Variants in DIPK1A observed in about 807,000 individuals in gnomAD.
DIPK1A encodes family with sequence similarity 69 member A.
In DIPK1A, 27 loss-of-function variants were observed where a neutral mutation model predicts 40.8. That is an observed-to-expected ratio of 0.66 (90% CI 0.49 to 0.91). The LOEUF (loss-of-function observed/expected upper bound fraction) is 0.91, where lower values mean the gene tolerates loss of function less well. Among genes scored for constraint, DIPK1A ranks in the 40% least tolerant of loss-of-function variants. DIPK1A has a pLI of 0.00. For missense variants in DIPK1A, 412 were observed against 505.7 expected (o/e 0.81, Z 1.78); for synonymous variants, 166 against 171.3 (o/e 0.97, Z 0.24).
intron 2 of DIPK1A, among the ~76,000 whole-genome samples, chr1:92,867,827 G>T (rs1386430835): frequency 6.6e-6 from 1 of 152,050 alleles, no homozygotes; most frequent in African/African-American, 2.4e-5. Context: ...ATTACACTTT[G>T]TTGATAATCT....
rs768965548 is a variant in DIPK1A, at chr1:92,833,403, T to A, written c.475-369A>T. 8 of 1,612,972 alleles carry A rather than the reference T, an allele frequency of 5.0e-6. No homozygotes were observed. Among genetic ancestry groups the A allele is most frequent in the Non-Finnish European group, 6.8e-6 (8 of 1,179,096 alleles). On this transcript the variant is annotated intron_variant, in intron 4 of 4. Coordinates refer to the DIPK1A transcript ENST00000615519. ...TTTTCTTTAAGGGGTTTGTTAAAGT[T>A]GTTAAGAATAAGGCCTACTTTAAGA...
At chr1:92,876,988 G>A (rs1648159702) in intron 1 of DIPK1A, 32 of 985,158 alleles carry the variant, frequency 3.2e-5, no homozygotes, top group South Asian at 1.4e-4. Context: ...CTTGTTCAGC[G>A]AACCAAATGT....
chr1:92,872,069 C>CTTTTTTTT lies in DIPK1A; in HGVS notation c.189+4219_189+4226dup, dbSNP rs148010880. ...TTTTCCTGATTCTTTTTCTTTAAATCTTTTTTTTTTTTTTTTTTTTTTTTT... is the reference window on the plus strand; with the variant it reads ...TTTTCCTGATTCTTTTTCTTTAAATCTTTTTTTTTTTTTTTTTTTTTTTTTTTTTTTTT... On this transcript the variant is annotated intron_variant, in intron 2 of 4. Transcript: ENST00000370310. Among the ~76,000 whole-genome samples the CTTTTTTTT allele has an allele frequency of 7.4e-5, 5 of 67,936 alleles. 1 individual carries two copies. The highest frequency in any genetic ancestry group is 9.7e-4 in the South Asian group (1 of 1,036). The allele number at this position is 67,936 out of a possible 152,430, so 44.6% of individuals were successfully genotyped here.
Position 92,845,394 on chromosome 1 carries a change from C to T in DIPK1A, c.475-1199G>A, listed in dbSNP as rs374329873. ...TACAAATTTATGGGATACTGATGGGCACAATTGCTCAAGCCAGTAATTCCA... is the reference window on the plus strand; with the variant it reads ...TACAAATTTATGGGATACTGATGGGTACAATTGCTCAAGCCAGTAATTCCA... On this transcript the variant is annotated intron_variant, in intron 4 of 4. Transcript: ENST00000370310. 8.5e-4 allele frequency: 171 copies of T among 202,114 alleles called. 2 individuals are homozygous for T. Among genetic ancestry groups the T allele is most frequent in the South Asian group, 7.7e-3 (146 of 18,966 alleles). The allele number at this position is 202,114 out of a possible 1,614,324, so 12.5% of individuals were successfully genotyped here.
rs566117589 is a variant in DIPK1A, at chr1:92,942,813, G to A, written c.54+18563C>T. On this transcript the variant is annotated intron_variant, in intron 1 of 4. Coordinates refer to ENST00000370310, the MANE Select transcript of DIPK1A (RefSeq NM_001006605.5). Reference sequence around the variant, plus strand: ...CGAGTAGCTGGGATTACAGGCGCCCGCCACCACGCCCAGCTAATTTTTTGT... The same window carrying A: ...CGAGTAGCTGGGATTACAGGCGCCCACCACCACGCCCAGCTAATTTTTTGT... 2.6e-3 allele frequency among the ~76,000 whole-genome samples: 393 copies of A among 152,124 alleles called. 1 individual carries two copies. The highest frequency in any genetic ancestry group is 7.6e-3 in the African/African-American group (315 of 41,506).
At chr1:92,849,029 A>G (rs954547425) in intron 3 of DIPK1A, among the ~76,000 whole-genome samples, 6 of 151,938 alleles carry the variant, frequency 3.9e-5, no homozygotes, top group African/African-American at 7.3e-5. Flanking sequence ...ATTTTTTTTC[A>G]TTATGTTCAT....
At chr1:92,834,862 C>T in intron 4 of DIPK1A, 1 of 1,606,464 alleles carries the variant, frequency 6.2e-7, no homozygotes, top group Non-Finnish European at 8.5e-7. Flanking sequence ...TGAAGGTTGG[C>T]CTGACAAATT....
intron 1 of DIPK1A, among the ~76,000 whole-genome samples, chr1:92,899,909 T>A (rs918074121): frequency 6.6e-6 from 1 of 152,168 alleles, no homozygotes; most frequent in Admixed American, 6.6e-5. Flanking sequence ...CTGGGTGTGG[T>A]ATTCCTGGCT....
rs182567785 is a variant in DIPK1A at position 92,906,684 on chromosome 1, A to G, written c.55-30254T>C. 6.2e-3 allele frequency among the ~76,000 whole-genome samples: 941 copies of G among 152,308 alleles called. 8 individuals are homozygous for G. Among genetic ancestry groups the G allele is most frequent in the Middle Eastern group, 0.01 (3 of 294 alleles). On this transcript the variant is annotated intron_variant, in intron 1 of 4. Transcript: ENST00000370310. ...AAAAAAGCATGCAGATGAGTGAAAA[A>G]AAGGCACAGTATGTGGGGCCTGGTA...
At chr1:92,872,495 C>T (rs1319392325) in intron 2 of DIPK1A, among the ~76,000 whole-genome samples, 1 of 152,076 alleles carries the variant, frequency 6.6e-6, no homozygotes, top group East Asian at 1.9e-4. Context: ...TTTTTACATT[C>T]TTTTTGAATA....
chr1:92,936,120 C>CA (rs1334573802), intron 1 of DIPK1A, among the ~76,000 whole-genome samples: 2 of 151,610 alleles, frequency 1.3e-5, no homozygotes, highest in Non-Finnish European at 2.9e-5. Context: ...ATAAGAACAA[C>CA]AAAAAAACCT....
At chr1:92,955,526 G>A (rs1290939841) in intron 1 of DIPK1A, among the ~76,000 whole-genome samples, 10 of 150,714 alleles carry the variant, frequency 6.6e-5, no homozygotes, top group Middle Eastern at 3.5e-3. Context: ...GTGAAGCCCC[G>A]TCTCTGCTAA....
chr1:92,836,662 C>A, intron 4 of DIPK1A: 1 of 426,896 alleles, frequency 2.3e-6, no homozygotes, highest in Non-Finnish European at 4.3e-6. Context: ...TTGCATATGA[C>A]TTAATTCTTA....
rs149866500 is a variant in DIPK1A at position 92,867,579 on chromosome 1, C to T, written c.189+8717G>A. 4.2e-3 allele frequency among the ~76,000 whole-genome samples: 645 copies of T among 152,288 alleles called. 3 individuals are homozygous for T. Among genetic ancestry groups the T allele is most frequent in the Middle Eastern group, 0.014 (4 of 294 alleles). Reference sequence around the variant, plus strand: ...GGAGTGCAGTGGCACAATCTCAGCTCACTGCAACCTCTGCCTCCCAGGTTC... The same window carrying T: ...GGAGTGCAGTGGCACAATCTCAGCTTACTGCAACCTCTGCCTCCCAGGTTC... On this transcript the variant is annotated intron_variant, in intron 2 of 4. Transcript: ENST00000370310.
At chr1:92,854,851 T>C (rs535601371) in intron 2 of DIPK1A, among the ~76,000 whole-genome samples, 2 of 152,338 alleles carry the variant, frequency 1.3e-5, no homozygotes, top group East Asian at 3.9e-4. Context: ...CGCAATTTCA[T>C]TGGCATGTTT....
chr1:92,953,849 A>C lies in DIPK1A; in HGVS notation c.54+7527T>G, dbSNP rs1399591785. Among the ~76,000 whole-genome samples, 5 of 152,194 alleles carry C rather than the reference A, an allele frequency of 3.3e-5. No individual in the cohort carries two copies. The East Asian group carries it at 9.6e-4, about 29-fold the overall frequency. ...CTGCACAAAGTGCATAAAATAGTTA[A>C]TACTACTATACTATATGCTTAAAAA... On this transcript the variant is annotated intron_variant, in intron 1 of 4. Coordinates refer to ENST00000370310, the MANE Select transcript of DIPK1A (RefSeq NM_001006605.5).
intron 2 of DIPK1A, among the ~76,000 whole-genome samples, chr1:92,852,327 C>T (rs950898870): frequency 1.3e-5 from 2 of 152,030 alleles, no homozygotes; most frequent in Non-Finnish European, 2.9e-5. Context: ...GGAGAAACCC[C>T]GCCTCTACTA....
intron 1 of DIPK1A, among the ~76,000 whole-genome samples, chr1:92,885,099 G>C (rs1648535903): frequency 6.6e-6 from 1 of 152,062 alleles, no homozygotes; most frequent in Non-Finnish European, 1.5e-5. Flanking sequence ...CATAAAAAAA[G>C]CAGAGGTATA....
In DIPK1A at chr1:92,887,693, C is replaced by A. The variant is rs149306277; in HGVS notation, c.55-11263G>T. On this transcript the variant is annotated intron_variant, in intron 1 of 4. Transcript: ENST00000370310. ...AGTTTTGGGGAAATTTATTATGCAG[C>A]GTTGCTGGGGTAACTAACTGATACT... is the stretch of plus-strand genomic sequence containing the variant. Among the ~76,000 whole-genome samples the A allele has an allele frequency of 4.4e-3, 673 of 152,264 alleles. 5 individuals are homozygous for A. Among genetic ancestry groups the A allele is most frequent in the African/African-American group, 0.015 (642 of 41,546 alleles).
Sources: gnomAD v4.1 joint callset for allele counts (sites outside exome capture counted in the v4.1 genomes callset) on GRCh38, gnomAD v4.1.1 for gene constraint, MANE v1.5 for transcripts, NCBI Gene and HGNC (gene_info 2026-07-23, HGNC 2026-07-21) for gene names.